ARMC7: variants seen among roughly 807,000 people sequenced by gnomAD.
ARMC7 encodes the protein armadillo repeat containing 7, also known as armadillo repeat-containing protein 7.
A neutral mutation model predicts 14.8 loss-of-function variants in ARMC7; 9 were observed. The ratio of observed to expected loss-of-function variants is 0.61; its 90% CI spans 0.37 to 1.06. The LOEUF (loss-of-function observed/expected upper bound fraction) is 1.06. Ranked by LOEUF, ARMC7 falls within the 50% of genes least tolerant of loss-of-function variation. ARMC7 has a pLI of 0.01. For synonymous variants in ARMC7, 125 were observed against 123.4 expected (o/e 1.01, Z -0.09); for missense variants, 262 against 267.1 (o/e 0.98, Z 0.13).
intron 2 of ARMC7, among the ~76,000 whole-genome samples, chr17:75,115,080 GC>G (rs2145121089): frequency 6.6e-6 from 1 of 152,258 alleles, no homozygotes; most frequent in African/African-American, 2.4e-5. Flanking sequence ...GAGTGCTTAG[GC>G]CTTTTGGCCT....
intron 2 of ARMC7, among the ~76,000 whole-genome samples, chr17:75,119,238 CTTCAAT>C (rs1487566375): frequency 1.3e-5 from 2 of 152,154 alleles, no homozygotes; most frequent in African/African-American, 4.8e-5. Flanking sequence ...AAAATGGCTC[CTTCAAT>C]TTCAAGTCTG....
At position 75,129,156 on chromosome 17, in the gene ARMC7, C is replaced by T; in HGVS notation, c.*118C>T. ...GGTGCCTTTTCAGCCATCTGAAAGGCGGGTTCTTTCAGCAGGACAGGCATT... is the reference window on the plus strand; with the variant it reads ...GGTGCCTTTTCAGCCATCTGAAAGGTGGGTTCTTTCAGCAGGACAGGCATT... On this transcript the variant is annotated 3_prime_UTR_variant, in exon 3 of 3. Coordinates refer to ENST00000245543, the MANE Select transcript of ARMC7 (RefSeq NM_024585.4). 7 of 1,379,040 alleles carry T rather than the reference C, an allele frequency of 5.1e-6. No homozygotes were observed. Among genetic ancestry groups the T allele is most frequent in the East Asian group, 4.8e-5 (2 of 41,710 alleles). The allele number at this position is 1,379,040 out of a possible 1,614,324, so 85.4% of individuals were successfully genotyped here.
intron 2 of ARMC7, among the ~76,000 whole-genome samples, chr17:75,118,101 G>A (rs1399903257): frequency 6.7e-6 from 1 of 150,180 alleles, no homozygotes; most frequent in Non-Finnish European, 1.5e-5. Flanking sequence ...CTCCAGCATG[G>A]GCGACAAAGC....
chr17:75,119,933 C>A (rs1325569658), intron 2 of ARMC7, among the ~76,000 whole-genome samples: 1 of 150,448 alleles, frequency 6.6e-6, no homozygotes, highest in East Asian at 2.0e-4. Context: ...GAGATGGAGT[C>A]TCGCCCTGTT....
At chr17:75,125,449 G>C (rs1164333353) in intron 2 of ARMC7, among the ~76,000 whole-genome samples, 1 of 152,178 alleles carries the variant, frequency 6.6e-6, no homozygotes, top group Non-Finnish European at 1.5e-5. Context: ...AGACTGCAAT[G>C]AGTGCCAGGG....
At chr17:75,120,193 C>T (rs1410059876) in intron 2 of ARMC7, among the ~76,000 whole-genome samples, 5 of 152,120 alleles carry the variant, frequency 3.3e-5, no homozygotes, top group African/African-American at 4.8e-5. Flanking sequence ...TGAGCCCCCA[C>T]GCCCGGCCAG....
chr17:75,116,574 A>G (rs1334821306), intron 2 of ARMC7, among the ~76,000 whole-genome samples: 1 of 152,202 alleles, frequency 6.6e-6, no homozygotes, highest in Non-Finnish European at 1.5e-5. Context: ...GAGGTGAGCC[A>G]AGATCACGCC....
Position 75,124,400 on chromosome 17 carries a change from G to C in ARMC7, c.236-4277G>C, listed in dbSNP as rs1031962887. Among the ~76,000 whole-genome samples the C allele has an allele frequency of 2.0e-5, 3 of 152,192 alleles. No individual in the cohort carries two copies. The South Asian group carries it at 6.2e-4, about 32-fold the overall frequency. On this transcript the variant is annotated intron_variant, in intron 2 of 2. Transcript: ENST00000245543. The stretch of plus-strand genomic sequence containing the variant: ...TCCTGCCCCCACCCTCTGGTTTTCC[G>C]CAGTCTGGGTGGCAGTGCCCTGCCC...
intron 2 of ARMC7, among the ~76,000 whole-genome samples, chr17:75,118,526 C>T (rs1032608362): frequency 4.6e-5 from 7 of 152,198 alleles, no homozygotes; most frequent in African/African-American, 1.7e-4. Context: ...CCGTCGGCAC[C>T]GCCACAGCCA....
chr17:75,114,944 ATTCT>A, intron 2 of ARMC7: 1 of 381,434 alleles, frequency 2.6e-6, no homozygotes, highest in Non-Finnish European at 4.6e-6. Context: ...ACAGGCACTT[ATTCT>A]GCTGTTTCTG....
chr17:75,125,577 C>T (rs1433714270), intron 2 of ARMC7, among the ~76,000 whole-genome samples: 2 of 152,104 alleles, frequency 1.3e-5, no homozygotes, highest in East Asian at 3.9e-4. Flanking sequence ...GTGGCTCACA[C>T]CCGTAATCCT....
chr17:75,113,334 A>AT (rs1001342669), intron 2 of ARMC7, among the ~76,000 whole-genome samples: 2 of 146,480 alleles, frequency 1.4e-5, no homozygotes, highest in Non-Finnish European at 3.0e-5. Context: ...CAACTAACAC[A>AT]TTTTTAAAAA....
chr17:75,122,205 G>A (rs887130403), intron 2 of ARMC7, among the ~76,000 whole-genome samples: 1 of 151,580 alleles, frequency 6.6e-6, no homozygotes, highest in African/African-American at 2.4e-5. Context: ...GCATGTTGAC[G>A]GGCGCCTGTA....
Position 75,120,746 on chromosome 17 carries a change from G to A in ARMC7, c.236-7931G>A, listed in dbSNP as rs189019067. On this transcript the variant is annotated intron_variant, in intron 2 of 2. Transcript: ENST00000245543. ...GGAGAATCACTTGAACCTGGGAGGC[G>A]GAGATTGCAGTGAGCTGAGATCGCA... Among the ~76,000 whole-genome samples the A allele has an allele frequency of 1.2e-3, 185 of 150,728 alleles. 2 individuals carry two copies. The East Asian group carries it at 0.023, about 19-fold the overall frequency.
rs973186181 is a variant in ARMC7 at position 75,116,495 on chromosome 17, C to T, written c.235+5889C>T. The stretch of plus-strand genomic sequence containing the variant: ...ATACAATTAGCTGGGTGCGGTGGCA[C>T]GCGCCTGTAATCCCAGCTACTCAGG... On this transcript the variant is annotated intron_variant, in intron 2 of 2. Transcript: ENST00000245543. Among the ~76,000 whole-genome samples, 6 of 152,290 alleles carry T rather than the reference C, an allele frequency of 3.9e-5. No individual in the cohort carries two copies. In the South Asian group the frequency reaches 6.2e-4, roughly 16 times the overall value.
chr17:75,114,884 TTACTGCCGTC>T, intron 2 of ARMC7: 1 of 391,644 alleles, frequency 2.6e-6, no homozygotes, highest in Non-Finnish European at 4.5e-6. Context: ...GCGTATTTTC[TTACTGCCGTC>T]GTTTCCCTTT....
intron 2 of ARMC7, chr17:75,114,494 C>A (rs1261738611): frequency 7.7e-6 from 3 of 391,804 alleles, no homozygotes; most frequent in East Asian, 7.2e-5. Flanking sequence ...CTGGAGTCCG[C>A]GGTCCCAGCG....
chr17:75,125,245 G>A (rs1271667107), intron 2 of ARMC7, among the ~76,000 whole-genome samples: 2 of 152,176 alleles, frequency 1.3e-5, no homozygotes, highest in Non-Finnish European at 2.9e-5. Flanking sequence ...GCGGTTCTTT[G>A]AACCCTTTCC....
chr17:75,124,281 G>A (rs1215030343), intron 2 of ARMC7, among the ~76,000 whole-genome samples: 3 of 152,216 alleles, frequency 2.0e-5, no homozygotes, highest in African/African-American at 7.2e-5. Context: ...GGTCCAAGCA[G>A]CTGGTGAGCT....
Sources: gnomAD v4.1 joint callset for allele counts (sites outside exome capture counted in the v4.1 genomes callset) on GRCh38, gnomAD v4.1.1 for gene constraint, MANE v1.5 for transcripts, NCBI Gene and HGNC (gene_info 2026-07-23, HGNC 2026-07-21) for gene names.